WWOX: variants seen among roughly 807,000 people sequenced by gnomAD.
The protein encoded by WWOX is WW domain-containing oxidoreductase.
Under a neutral mutation model 46.2 loss-of-function variants are expected in WWOX, and 69 were observed. That is an observed-to-expected ratio of 1.49 (90% confidence interval 1.23 to 1.82). WWOX has a LOEUF of 1.82. WWOX is among the 40% of genes most tolerant of loss of function. The probability of loss-of-function intolerance (pLI) is 0.00; values close to 1 mark genes in which losing one functional copy is unlikely to be tolerated. For missense variants in WWOX, 919 were observed against 542.6 expected (o/e 1.69, Z -6.89); for synonymous variants, 359 against 202.6 (o/e 1.77, Z -6.56).
At chr16:78,144,437 A>ATATATATACG (rs1555543002) in intron 4 of WWOX, among the ~76,000 whole-genome samples, 1,780 of 19,536 alleles carry the variant, frequency 0.091, 430 homozygotes, top group Non-Finnish European at 0.11. Context: ...TACTATATAT[A>ATATATATACG]TATATATATA....
At chr16:79,053,615 C>T (rs933444286) in intron 8 of WWOX, among the ~76,000 whole-genome samples, 3 of 151,948 alleles carry the variant, frequency 2.0e-5, no homozygotes, top group African/African-American at 4.8e-5. Flanking sequence ...AATTATATTC[C>T]GATCACTTTA....
chr16:78,110,368 A>T (rs1199468302), intron 3 of WWOX, among the ~76,000 whole-genome samples: 1 of 150,364 alleles, frequency 6.7e-6, no homozygotes, highest in African/African-American at 2.4e-5. Flanking sequence ...AAAAGAGGGA[A>T]TGCACTGTGT....
intron 8 of WWOX, among the ~76,000 whole-genome samples, chr16:79,070,145 C>G (rs17726900): frequency 0.084 from 12,778 of 152,206 alleles, 636 homozygotes; most frequent in African/African-American, 0.14. Flanking sequence ...AGCTATTTCC[C>G]TAATACCAAG....
At chr16:78,241,787 G>C (rs1201296477) in intron 5 of WWOX, among the ~76,000 whole-genome samples, 2 of 152,180 alleles carry the variant, frequency 1.3e-5, no homozygotes, top group African/African-American at 4.8e-5. Flanking sequence ...TCATTGCTCA[G>C]ATTCACTTGG....
At chr16:78,435,229 G>T (rs1028512740) in intron 8 of WWOX, among the ~76,000 whole-genome samples, 8 of 152,078 alleles carry the variant, frequency 5.3e-5, no homozygotes, top group Non-Finnish European at 1.0e-4. Context: ...TTGGACGAAG[G>T]TTGCAACTCA....
intron 8 of WWOX, among the ~76,000 whole-genome samples, chr16:79,173,295 T>G (rs903755998): frequency 1.5e-4 from 23 of 151,822 alleles, no homozygotes; most frequent in Non-Finnish European, 2.9e-4. Flanking sequence ...CCATGTGCCA[T>G]GTGCCATGTG....
At chr16:78,843,531 C>T (rs946569736) in intron 8 of WWOX, among the ~76,000 whole-genome samples, 1 of 150,022 alleles carries the variant, frequency 6.7e-6, no homozygotes, top group African/African-American at 2.4e-5. Context: ...CATGTTTTGA[C>T]TCTTTGACAC....
intron 5 of WWOX, among the ~76,000 whole-genome samples, chr16:78,192,563 A>C (rs946081333): frequency 5.3e-5 from 8 of 152,186 alleles, no homozygotes; most frequent in Admixed American, 4.6e-4. Flanking sequence ...TTGAGGAAAT[A>C]CGTGAACATA....
intron 8 of WWOX, among the ~76,000 whole-genome samples, chr16:78,934,754 A>G (rs575787100): frequency 5.3e-4 from 80 of 152,102 alleles, no homozygotes; most frequent in Non-Finnish European, 8.8e-4. Context: ...ACATGATAAA[A>G]AATGTGTTCC....
intron 5 of WWOX, among the ~76,000 whole-genome samples, chr16:78,203,515 T>C (rs1444227243): frequency 1.3e-5 from 2 of 152,152 alleles, no homozygotes; most frequent in Admixed American, 6.5e-5. Flanking sequence ...ATTCGATATG[T>C]TTTTTCTTGG....
intron 8 of WWOX, among the ~76,000 whole-genome samples, chr16:78,940,638 T>G (rs1238132070): frequency 6.6e-6 from 1 of 151,870 alleles, no homozygotes; most frequent in Non-Finnish European, 1.5e-5. Context: ...TAAACAGGCA[T>G]GTGCACATAT....
chr16:78,161,754 C>T (rs1326793007), intron 4 of WWOX, among the ~76,000 whole-genome samples: 2 of 152,060 alleles, frequency 1.3e-5, no homozygotes, highest in African/African-American at 2.4e-5. Flanking sequence ...CCTTTCTTGC[C>T]TTTTTATCAT....
intron 8 of WWOX, among the ~76,000 whole-genome samples, chr16:78,767,826 G>C (rs1040776553): frequency 6.6e-6 from 1 of 152,032 alleles, no homozygotes; most frequent in African/African-American, 2.4e-5. Context: ...GTACTTTCAC[G>C]TGCCTACTGG....
chr16:78,972,969 C>T lies in WWOX; in HGVS notation c.1057-238639C>T, dbSNP rs34331901. On this transcript the variant is annotated intron_variant, in intron 8 of 8. Transcript: ENST00000566780. ...AAAACTGCAGGTAAGGCAAGAGGCC[C>T]GTAATTGATTCATAAGATCCCTTCC... Among the ~76,000 whole-genome samples the T allele has an allele frequency of 6.8e-3, 1,036 of 152,124 alleles. 3 individuals are homozygous for T. The highest frequency in any genetic ancestry group is 0.017 in the Middle Eastern group (5 of 294).
At chr16:78,283,568 C>T (rs4888773) in intron 5 of WWOX, among the ~76,000 whole-genome samples, 25,407 of 152,028 alleles carry the variant, frequency 0.17, 3,545 homozygotes, top group African/African-American at 0.37. Flanking sequence ...AATTTGAAAA[C>T]GGATACAGTT....
intron 8 of WWOX, among the ~76,000 whole-genome samples, chr16:78,438,276 G>T (rs1033013528): frequency 6.6e-6 from 1 of 152,062 alleles, no homozygotes; most frequent in South Asian, 2.1e-4. Context: ...CTCATGCAGC[G>T]TGTTCAAGAA....
intron 8 of WWOX, among the ~76,000 whole-genome samples, chr16:78,923,373 G>C (rs971900443): frequency 1.3e-5 from 2 of 151,990 alleles, no homozygotes; most frequent in Non-Finnish European, 2.9e-5. Flanking sequence ...TTCTAGTTCA[G>C]ATCATTCTAA....
At chr16:78,726,588 A>G (rs943726708) in intron 8 of WWOX, among the ~76,000 whole-genome samples, 2 of 152,116 alleles carry the variant, frequency 1.3e-5, no homozygotes, top group Non-Finnish European at 2.9e-5. Flanking sequence ...ATAGTAGGTA[A>G]ATTAATGGAG....
chr16:78,282,740 T>C (rs2079701037), intron 5 of WWOX, among the ~76,000 whole-genome samples: 1 of 150,264 alleles, frequency 6.7e-6, no homozygotes, highest in Admixed American at 6.6e-5. Context: ...TAGCCGGGAG[T>C]GGTGGTGTTC....
Sources: allele counts gnomAD v4.1 joint callset (sites outside exome capture counted in the v4.1 genomes callset), GRCh38; gene constraint gnomAD v4.1.1; transcripts MANE v1.5; gene names NCBI Gene and HGNC (gene_info 2026-07-23, HGNC 2026-07-21).